Variants in FHIT observed in about 807,000 individuals in gnomAD.
FHIT encodes the protein fragile histidine triad diadenosine triphosphatase, also known as bis(5'-adenosyl)-triphosphatase.
A neutral mutation model predicts 17.9 loss-of-function variants in FHIT; 19 were observed. The ratio of observed to expected loss-of-function variants is 1.06; its 90% CI spans 0.74 to 1.56. The LOEUF (loss-of-function observed/expected upper bound fraction) is 1.56. Ranked by LOEUF, FHIT falls within the 40% of genes most tolerant of loss-of-function variation. The pLI is 0.00. For missense variants in FHIT, 248 were observed against 189.2 expected, an observed-to-expected ratio of 1.31 and a Z score of -1.82; for synonymous variants, 81 against 69.7, an observed-to-expected ratio of 1.16 and a Z score of -0.81.
intron 4 of FHIT, among the ~76,000 whole-genome samples, chr3:60,599,548 T>C (rs2038376057): frequency 6.6e-6 from 1 of 152,138 alleles, no homozygotes; most frequent in African/African-American, 2.4e-5. Context: ...TCATCACAGT[T>C]ATAAACTTAA....
intron 3 of FHIT, among the ~76,000 whole-genome samples, chr3:60,984,461 C>A (rs1710633149): frequency 6.6e-6 from 1 of 152,158 alleles, no homozygotes; most frequent in Admixed American, 6.5e-5. Context: ...AATCTGTCAT[C>A]CAATACTTGG....
chr3:60,299,845 A>G (rs1227445690), intron 5 of FHIT, among the ~76,000 whole-genome samples: 3 of 152,126 alleles, frequency 2.0e-5, no homozygotes, highest in Non-Finnish European at 1.5e-5. Context: ...AGGAGTAGGT[A>G]GGCCACACGT....
chr3:60,854,276 T>G (rs1553749249), intron 3 of FHIT, among the ~76,000 whole-genome samples: 1 of 152,140 alleles, frequency 6.6e-6, no homozygotes, highest in Non-Finnish European at 1.5e-5. Context: ...CAAAGCTTCC[T>G]ACATTTCCTT....
At chr3:60,271,206 C>A (rs1290232987) in intron 5 of FHIT, among the ~76,000 whole-genome samples, 1 of 152,004 alleles carries the variant, frequency 6.6e-6, no homozygotes, top group Non-Finnish European at 1.5e-5. Flanking sequence ...TCAAGACCAG[C>A]CTGGTCAACA....
At chr3:60,028,640 C>A (rs1228136041) in intron 5 of FHIT, among the ~76,000 whole-genome samples, 1 of 152,060 alleles carries the variant, frequency 6.6e-6, no homozygotes. Flanking sequence ...AAACAAAAAA[C>A]CAAATGTGAC....
chr3:59,908,388 A>G (rs2107122369), intron 8 of FHIT, among the ~76,000 whole-genome samples: 1 of 152,336 alleles, frequency 6.6e-6, no homozygotes, highest in South Asian at 2.1e-4. Context: ...AGCCCATGAG[A>G]AGAACTCTGA....
At chr3:60,830,724 C>T (rs1702299695) in intron 3 of FHIT, among the ~76,000 whole-genome samples, 2 of 152,066 alleles carry the variant, frequency 1.3e-5, no homozygotes, top group Non-Finnish European at 2.9e-5. Flanking sequence ...TATCGGGAAT[C>T]GGAGAAATCA....
intron 4 of FHIT, among the ~76,000 whole-genome samples, chr3:60,635,217 G>GT (rs1288078807): frequency 4.6e-5 from 7 of 152,058 alleles, no homozygotes; most frequent in South Asian, 2.1e-4. Context: ...ACTTGCAGAA[G>GT]TTTTTTTAAA....
chr3:60,672,885 G>GTGTGTGTGTGTGTGTGTGTGTT, intron 4 of FHIT, among the ~76,000 whole-genome samples: 1 of 150,714 alleles, frequency 6.6e-6, no homozygotes, highest in Non-Finnish European at 1.5e-5. Context: ...GTGTGTGTGT[G>GTGTGTGTGTGTGTGTGTGTGTT]TGTGTGTGTG....
At chr3:61,039,091 A>G (rs1244959303) in intron 3 of FHIT, among the ~76,000 whole-genome samples, 4 of 152,150 alleles carry the variant, frequency 2.6e-5, no homozygotes. Context: ...TATATAAAGT[A>G]AAGATTATAT....
chr3:60,703,423 T>A (rs549834075), intron 4 of FHIT, among the ~76,000 whole-genome samples: 34 of 152,352 alleles, frequency 2.2e-4, no homozygotes, highest in Admixed American at 3.3e-4. Flanking sequence ...TAACAAAGCA[T>A]ATGTTGTATA....
intron 2 of FHIT, among the ~76,000 whole-genome samples, chr3:61,189,596 A>T (rs1445061603): frequency 6.6e-6 from 1 of 151,724 alleles, no homozygotes; most frequent in Non-Finnish European, 1.5e-5. Context: ...TAAAGTTCAT[A>T]TGGAACCAAA....
chr3:60,119,009 AG>A (rs1333994579), intron 5 of FHIT, among the ~76,000 whole-genome samples: 3 of 148,860 alleles, frequency 2.0e-5, no homozygotes, highest in Admixed American at 6.6e-5. Flanking sequence ...CAACAGAGGA[AG>A]GCTCCATCTC....
chr3:60,245,936 C>G lies in FHIT; in HGVS notation c.104-231784G>C, dbSNP rs530317110. Reference sequence around the variant, plus strand: ...TTGGACAATAAATGCAGAATAAATTCATTTTTATACAATGAATAATTGTAA... The same window carrying G: ...TTGGACAATAAATGCAGAATAAATTGATTTTTATACAATGAATAATTGTAA... On this transcript the variant is annotated intron_variant, in intron 5 of 9. Transcript: ENST00000492590. Among the ~76,000 whole-genome samples the G allele has an allele frequency of 2.0e-5, 3 of 152,092 alleles. No individual in the cohort carries two copies. In the South Asian group the frequency reaches 6.2e-4, roughly 32 times the overall value.
chr3:60,252,689 C>T (rs967851543), intron 5 of FHIT, among the ~76,000 whole-genome samples: 5 of 151,916 alleles, frequency 3.3e-5, no homozygotes, highest in African/African-American at 1.2e-4. Flanking sequence ...ATTTAATAAA[C>T]AGATAATAAA....
intron 2 of FHIT, among the ~76,000 whole-genome samples, chr3:61,089,954 A>G (rs994386778): frequency 5.3e-5 from 8 of 152,372 alleles, no homozygotes; most frequent in South Asian, 4.1e-4. Flanking sequence ...GCATCAGATA[A>G]GATTGATCTG....
intron 2 of FHIT, among the ~76,000 whole-genome samples, chr3:61,121,263 G>A (rs1225186996): frequency 2.6e-5 from 4 of 152,016 alleles, no homozygotes; most frequent in Admixed American, 6.6e-5. Flanking sequence ...TATATTCCTC[G>A]AGAAGAGCAA....
intron 3 of FHIT, among the ~76,000 whole-genome samples, chr3:60,894,516 C>T (rs1282396644): frequency 6.6e-6 from 1 of 151,978 alleles, no homozygotes; most frequent in South Asian, 2.1e-4. Context: ...GCACAGATAC[C>T]CCTTGGAGTC....
At chr3:60,080,671 A>G (rs1452927377) in intron 5 of FHIT, 3 of 152,136 alleles carry the variant, frequency 2.0e-5, no homozygotes, top group Admixed American at 6.6e-5. Flanking sequence ...TTGAATTCAT[A>G]AAGTCCCCGA....
Sources: gnomAD v4.1 joint callset for allele counts (sites outside exome capture counted in the v4.1 genomes callset) on GRCh38, gnomAD v4.1.1 for gene constraint, MANE v1.5 for transcripts, NCBI Gene and HGNC (gene_info 2026-07-23, HGNC 2026-07-21) for gene names.